The following LRMDA variants were observed in gnomAD, a reference collection of about 807,000 sequenced individuals.
The protein encoded by LRMDA is leucine rich melanocyte differentiation associated, also known as leucine-rich melanocyte differentiation-associated protein.
Under a neutral mutation model 29.8 loss-of-function variants are expected in LRMDA, and 18 were observed. That is an observed-to-expected ratio of 0.60 (90% CI 0.42 to 0.90). The LOEUF is 0.90. LRMDA is among the 40% of genes least tolerant of loss of function. The pLI is 0.00. For missense variants in LRMDA, 273 were observed against 273.9 expected (o/e 1.00, Z 0.02); for synonymous variants, 125 against 109.4 (o/e 1.14, Z -0.89).
intron 2 of LRMDA, among the ~76,000 whole-genome samples, chr10:75,784,576 G>A (rs1010922928): frequency 6.6e-6 from 1 of 152,080 alleles, no homozygotes; most frequent in East Asian, 1.9e-4. Context: ...GTGGGTGCCT[G>A]TAGTCCCAGC....
chr10:75,484,821 C>G (rs1467356031), intron 2 of LRMDA, among the ~76,000 whole-genome samples: 1 of 152,136 alleles, frequency 6.6e-6, no homozygotes, highest in Non-Finnish European at 1.5e-5. Context: ...GGAAGCCAAC[C>G]CTGATGGCAC....
intron 2 of LRMDA, among the ~76,000 whole-genome samples, chr10:75,476,880 G>A (rs1405108346): frequency 6.6e-6 from 1 of 152,082 alleles, no homozygotes; most frequent in Non-Finnish European, 1.5e-5. Context: ...TTTCTTCTGA[G>A]GCCTCTCTCC....
intron 5 of LRMDA, among the ~76,000 whole-genome samples, chr10:76,214,777 A>G (rs1391150608): frequency 1.3e-5 from 2 of 152,234 alleles, no homozygotes; most frequent in African/African-American, 4.8e-5. Flanking sequence ...ATCTCTGAGG[A>G]AAACAAGAAA....
intron 2 of LRMDA, among the ~76,000 whole-genome samples, chr10:75,506,123 G>GT (rs907812999): frequency 6.6e-6 from 1 of 152,124 alleles, no homozygotes; most frequent in African/African-American, 2.4e-5. Context: ...TAAACCTCTG[G>GT]TTTTTCATTT....
chr10:76,395,312 T>C (rs1349380623), intron 6 of LRMDA, among the ~76,000 whole-genome samples: 1 of 152,230 alleles, frequency 6.6e-6, no homozygotes, highest in Non-Finnish European at 1.5e-5. Context: ...CTCATTATTA[T>C]ATTTTCTATA....
intron 2 of LRMDA, among the ~76,000 whole-genome samples, chr10:75,475,345 G>A (rs968857721): frequency 5.3e-5 from 8 of 152,166 alleles, no homozygotes; most frequent in Non-Finnish European, 7.3e-5. Flanking sequence ...CCTTATGGAC[G>A]GGGAGGACCC....
intron 2 of LRMDA, among the ~76,000 whole-genome samples, chr10:75,446,704 C>G (rs1352691384): frequency 1.3e-5 from 2 of 152,210 alleles, no homozygotes; most frequent in African/African-American, 2.4e-5. Context: ...ATAACCTAGC[C>G]TATCCTAACT....
At chr10:75,971,059 C>T (rs1050452703) in intron 2 of LRMDA, among the ~76,000 whole-genome samples, 3 of 152,124 alleles carry the variant, frequency 2.0e-5, no homozygotes, top group African/African-American at 7.2e-5. Context: ...AACCAGGACC[C>T]AGGCTTTTCA....
intron 2 of LRMDA, among the ~76,000 whole-genome samples, chr10:75,532,906 C>T (rs913179462): frequency 6.6e-6 from 1 of 152,074 alleles, no homozygotes; most frequent in African/African-American, 2.4e-5. Context: ...TGGTTTTGGG[C>T]ACTGTAAGCA....
chr10:75,646,576 C>T (rs1280556266), intron 2 of LRMDA, among the ~76,000 whole-genome samples: 1 of 152,210 alleles, frequency 6.6e-6, no homozygotes, highest in Admixed American at 6.5e-5. Flanking sequence ...AATCTGATAT[C>T]TTTAAATTTG....
At chr10:75,794,826 T>G (rs1843624811) in intron 2 of LRMDA, among the ~76,000 whole-genome samples, 1 of 152,218 alleles carries the variant, frequency 6.6e-6, no homozygotes, top group Non-Finnish European at 1.5e-5. Flanking sequence ...TATATCTACA[T>G]CCTATGTCTA....
chr10:76,538,699 G>A (rs1344801500), intron 6 of LRMDA, among the ~76,000 whole-genome samples: 1 of 151,736 alleles, frequency 6.6e-6, no homozygotes, highest in Non-Finnish European at 1.5e-5. Context: ...TATAATATTT[G>A]TGACTTAACA....
intron 2 of LRMDA, among the ~76,000 whole-genome samples, chr10:75,834,818 G>A (rs1249768696): frequency 6.6e-6 from 1 of 152,088 alleles, no homozygotes. Flanking sequence ...ATGATGATTT[G>A]GGTATTCTCT....
chr10:75,792,071 G>A (rs938361285), intron 2 of LRMDA, among the ~76,000 whole-genome samples: 1 of 151,770 alleles, frequency 6.6e-6, no homozygotes, highest in African/African-American at 2.4e-5. Flanking sequence ...GTGTTAGTCA[G>A]GATGGTCTCC....
At chr10:76,113,703 C>G (rs1053471387) in intron 5 of LRMDA, among the ~76,000 whole-genome samples, 6 of 152,048 alleles carry the variant, frequency 3.9e-5, no homozygotes, top group African/African-American at 1.4e-4. Context: ...TGTGGCTGTC[C>G]CCAGCCTCCA....
chr10:75,431,712 CG>C lies in LRMDA; in HGVS notation c.-12del. On this transcript the variant is annotated 5_prime_UTR_variant, in exon 1 of 7. Coordinates refer to ENST00000611255, the MANE Select transcript of LRMDA (RefSeq NM_001305581.2). The stretch of plus-strand genomic sequence containing the variant: ...CGCGCTCCGTCCCGCGCGCCCGCAG[CG>C]TCCTGGCCGCCATGGCCGGGCTCGT... 1 of 1,322,310 alleles carries C rather than the reference CG, an allele frequency of 7.6e-7. No homozygotes were observed. The highest frequency in any genetic ancestry group is 9.6e-7 in the Non-Finnish European group (1 of 1,038,202). The allele number at this position is 1,322,310 out of a possible 1,614,324, so 81.9% of individuals were successfully genotyped here.
At chr10:76,481,369 T>TGA (rs1169107353) in intron 6 of LRMDA, among the ~76,000 whole-genome samples, 1 of 151,932 alleles carries the variant, frequency 6.6e-6, no homozygotes, top group Non-Finnish European at 1.5e-5. Context: ...ATGAATGAAC[T>TGA]CAGCACATTT....
chr10:76,490,278 T>A (rs985825362), intron 6 of LRMDA, among the ~76,000 whole-genome samples: 2 of 152,014 alleles, frequency 1.3e-5, no homozygotes, highest in African/African-American at 4.8e-5. Flanking sequence ...AGATGAAATA[T>A]TCTGTAAATA....
chr10:76,484,206 T>G (rs1284108159), intron 6 of LRMDA, among the ~76,000 whole-genome samples: 2 of 151,646 alleles, frequency 1.3e-5, no homozygotes, highest in African/African-American at 4.8e-5. Flanking sequence ...CTTTTTCTCC[T>G]TTACTTCCTC....
Sources: gnomAD v4.1 joint callset for allele counts (sites outside exome capture counted in the v4.1 genomes callset) on GRCh38, gnomAD v4.1.1 for gene constraint, MANE v1.5 for transcripts, NCBI Gene and HGNC (gene_info 2026-07-23, HGNC 2026-07-21) for gene names.